The following RDH13 variants were observed in gnomAD, a reference collection of about 807,000 sequenced individuals.
RDH13 encodes retinol dehydrogenase 13, also known as retinol dehydrogenase 13 (all-trans and 9-cis).
RDH13 carries 35 observed loss-of-function variants against 28.3 expected under a neutral mutation model. The ratio of observed to expected loss-of-function variants is 1.24; its 90% CI spans 0.95 to 1.64. The LOEUF (loss-of-function observed/expected upper bound fraction) is 1.64. Ranked by LOEUF, RDH13 falls within the 40% of genes most tolerant of loss-of-function variation. RDH13 has a pLI of 0.00. For missense variants in RDH13, 514 were observed against 446.3 expected (o/e 1.15, Z -1.37); for synonymous variants, 229 against 198.5 (o/e 1.15, Z -1.29).
chr19:55,048,615 G>A, intron 4 of RDH13, 44 bp downstream of exon 4: 2 of 1,610,572 alleles, frequency 1.2e-6, no homozygotes, highest in Non-Finnish European at 1.7e-6. Context: ...GACGACGGGG[G>A]AGGATCGCTT....
upstream of RDH13, among the ~76,000 whole-genome samples, chr19:55,066,389 A>G (rs1188007012): frequency 1.3e-5 from 2 of 150,398 alleles, no homozygotes; most frequent in African/African-American, 2.4e-5. Flanking sequence ...GTTCTTCTCT[A>G]TCTCTCCTCT....
intron 3 of RDH13, among the ~76,000 whole-genome samples, chr19:55,056,003 A>T (rs1335087237): frequency 6.6e-6 from 1 of 151,634 alleles, no homozygotes; most frequent in East Asian, 1.9e-4. Context: ...AAACACAAAA[A>T]ATTAGCCAGG....
At chr19:55,041,455 A>G (rs1671214), downstream of RDH13, 100,675 of 152,252 alleles carry the variant, frequency 0.66, 33,600 homozygotes, top group East Asian at 0.82. Flanking sequence ...GGTGACACAT[A>G]TAGGTGGGAA....
chr19:55,062,498 A>G (rs979473127), intron 1 of RDH13, among the ~76,000 whole-genome samples: 2 of 152,150 alleles, frequency 1.3e-5, no homozygotes, highest in African/African-American at 4.8e-5. Context: ...CCTGGCCAAC[A>G]TGGCAAAACC....
chr19:55,048,612 G>A (rs2075321928), intron 4 of RDH13, 47 bp downstream of exon 4: 1 of 1,610,392 alleles, frequency 6.2e-7, no homozygotes, highest in Non-Finnish European at 8.5e-7. Flanking sequence ...GAGGACGACG[G>A]GGGAGGATCG....
At chr19:55,048,814 C>G (rs1568693539) in intron 3 of RDH13, 51 bp from the exon 4 acceptor site, 7 of 1,456,228 alleles carry the variant, frequency 4.8e-6, no homozygotes, top group Non-Finnish European at 6.7e-6. Flanking sequence ...CAGACCCCAG[C>G]CTGATGCACC....
At chr19:55,068,503 A>C (rs1167757563) in intron 1 of RDH13, 7 of 151,282 alleles carry the variant, frequency 4.6e-5, no homozygotes, top group Non-Finnish European at 8.8e-5. Flanking sequence ...ACACCTCTGC[A>C]CTCCAGCCTG....
At chr19:55,046,585 A>T (rs1386728259) in intron 6 of RDH13, 1 of 152,004 alleles carries the variant, frequency 6.6e-6, no homozygotes, top group East Asian at 2.0e-4. Flanking sequence ...GATGCCAACC[A>T]ATCACCCACT....
intron 3 of RDH13, 46 bp from the exon 4 acceptor site, chr19:55,048,809 C>G: frequency 1.3e-6 from 2 of 1,516,984 alleles, no homozygotes; most frequent in Non-Finnish European, 1.8e-6. Context: ...GAGGACAGAC[C>G]CCAGCCTGAT....
At chr19:55,052,194 A>G (rs913583680) in intron 3 of RDH13, among the ~76,000 whole-genome samples, 1 of 149,154 alleles carries the variant, frequency 6.7e-6, no homozygotes, top group African/African-American at 2.5e-5. Flanking sequence ...CGAGGCGGGC[A>G]GATCACCTGA....
chr19:55,058,642 GTCC>G (rs2075712208), intron 2 of RDH13, among the ~76,000 whole-genome samples: 2 of 152,168 alleles, frequency 1.3e-5, no homozygotes, highest in South Asian at 4.1e-4. Flanking sequence ...TTCATGGAAT[GTCC>G]TCAAGGTTCA....
chr19:55,064,682 A>C (rs182896050), upstream of RDH13, among the ~76,000 whole-genome samples: 1 of 149,464 alleles, frequency 6.7e-6, no homozygotes, highest in Non-Finnish European at 1.5e-5. Flanking sequence ...GGGCGATCTC[A>C]GCTCACTGCA....
chr19:55,064,648 G>C (rs796486013), upstream of RDH13, among the ~76,000 whole-genome samples: 95 of 151,214 alleles, frequency 6.3e-4, no homozygotes, highest in African/African-American at 1.2e-3. Context: ...CAGTCTCACT[G>C]TGTCACCCAG....
chr19:55,055,465 C>A (rs2075600790), intron 3 of RDH13, among the ~76,000 whole-genome samples: 1 of 151,904 alleles, frequency 6.6e-6, no homozygotes, highest in African/African-American at 2.4e-5. Flanking sequence ...GTTCTGTCTT[C>A]TTTACATTGC....
At position 55,052,164 on chromosome 19, in the gene RDH13, A is replaced by G. The variant is rs1268540001; in HGVS notation, c.341-3401T>C. On this transcript the variant is annotated intron_variant, in intron 3 of 6. Coordinates refer to ENST00000415061, the MANE Select transcript of RDH13 (RefSeq NM_001145971.2). ...CCGGGCGTGGTGGCTCACATCTGTA[A>G]TCCCAGCACTTTGGGAGGCCGAGGC... Among the ~76,000 whole-genome samples, 5 of 147,214 alleles carry G rather than the reference A, an allele frequency of 3.4e-5. No individual in the cohort carries two copies. In the Admixed American group the frequency reaches 3.4e-4, roughly 10 times the overall value.
At chr19:55,054,482 A>G (rs2075566078) in intron 3 of RDH13, among the ~76,000 whole-genome samples, 1 of 152,070 alleles carries the variant, frequency 6.6e-6, no homozygotes. Flanking sequence ...TAGTCTTGGG[A>G]GGCTGAGGCA....
In RDH13 at chr19:55,062,964, T is replaced by A. The variant is rs1347571233; in HGVS notation, c.65+4A>T. ...CCGCGCACGCGGGGCTAGAATGTAC[T>A]CACTTGAGCAGCACGGCGGCGCCTG... is the stretch of plus-strand genomic sequence containing the variant. On this transcript the variant is annotated splice_donor_region_variant and intron_variant, in intron 1 of 6. Transcript: ENST00000415061. The A allele has an allele frequency of 6.8e-7, 1 of 1,479,550 alleles. No individual in the cohort carries two copies. The highest frequency in any genetic ancestry group is 1.5e-5 in the African/African-American group (1 of 68,430). 91.7% of individuals were successfully genotyped at this position (1,479,550 alleles called of 1,614,324 possible).
intron 3 of RDH13, chr19:55,051,118 GGTGGACAGCACAGCCGAGGCCCCGTCCGT>G (rs1205887002): frequency 6.6e-6 from 1 of 152,216 alleles, no homozygotes; most frequent in East Asian, 1.9e-4. Flanking sequence ...GGAAATACAG[GGTGGACAGCACAGCCGAGGCCCCGTCCGT>G]GTGGACCGGA....
upstream of RDH13, among the ~76,000 whole-genome samples, chr19:55,065,820 C>T (rs1291252950): frequency 1.3e-5 from 2 of 152,202 alleles, no homozygotes; most frequent in East Asian, 3.9e-4. Flanking sequence ...TGGGTTCAAG[C>T]GATTCTCCTG....
Sources: allele counts gnomAD v4.1 joint callset (sites outside exome capture counted in the v4.1 genomes callset), GRCh38; gene constraint gnomAD v4.1.1; transcripts MANE v1.5; gene names NCBI Gene and HGNC (gene_info 2026-07-23, HGNC 2026-07-21).